ST6GALNAC5: variants seen among roughly 807,000 people sequenced by gnomAD.
The protein encoded by ST6GALNAC5 is ST6 N-acetylgalactosaminide alpha-2,6-sialyltransferase 5, also known as alpha-N-acetylgalactosaminide alpha-2,6-sialyltransferase 5.
ST6GALNAC5 carries 27 observed loss-of-function variants against 33.6 expected under a neutral mutation model. The ratio of observed to expected loss-of-function variants is 0.80; its 90% CI spans 0.59 to 1.11. The LOEUF is 1.11. Among genes scored for constraint, ST6GALNAC5 ranks in the 50% least tolerant of loss-of-function variants. The pLI is 0.00. For missense variants in ST6GALNAC5, 428 were observed against 454.0 expected (o/e 0.94, Z 0.52); for synonymous variants, 194 against 171.2 (o/e 1.13, Z -1.04).
chr1:77,058,207 G>A (rs549028289), intron 4 of ST6GALNAC5, among the ~76,000 whole-genome samples: 94 of 152,346 alleles, frequency 6.2e-4, no homozygotes, highest in South Asian at 2.1e-3. Flanking sequence ...CCTTGGCTGC[G>A]AAACTTCAGT....
intron 2 of ST6GALNAC5, among the ~76,000 whole-genome samples, chr1:76,966,598 T>G (rs976966399): frequency 6.6e-6 from 1 of 152,182 alleles, no homozygotes; most frequent in Non-Finnish European, 1.5e-5. Context: ...TTTCTTTCTC[T>G]TGCCTGATTG....
At chr1:77,059,106 G>A (rs1474998614) in intron 4 of ST6GALNAC5, among the ~76,000 whole-genome samples, 2 of 152,130 alleles carry the variant, frequency 1.3e-5, no homozygotes, top group Admixed American at 6.5e-5. Context: ...TTACAGAAAG[G>A]TTGCAAAAAT....
chr1:76,915,466 G>A (rs1172743463), intron 2 of ST6GALNAC5, among the ~76,000 whole-genome samples: 2 of 152,108 alleles, frequency 1.3e-5, no homozygotes, highest in African/African-American at 2.4e-5. Flanking sequence ...ATGATAGACT[G>A]GATTAAGAAA....
chr1:76,868,540 C>G lies in ST6GALNAC5; in HGVS notation c.59C>G (p.Thr20Ser). The change falls in exon 2 of 5, where the codon ACC (threonine) becomes AGC (serine). Residue 20 changes from threonine (T) to serine (S), a missense_variant. Thr to Ser is a moderately conservative substitution (Grantham distance 58). Transcript: ENST00000477717. The surrounding 1 kb of genome is among the most constrained non-coding windows in gnomAD (Gnocchi z 4.3). ...AVCLALTTMC[T>S]SLLLVYSSLG... is the part of the protein sequence containing the mutation. ...TGTTTAGCGCTCACCACCATGTGCA[C>G]CAGCTTGTTGCTAGTGTACAGCAGC... The G allele has an allele frequency of 1.9e-6, 3 of 1,613,228 alleles. No individual in the cohort carries two copies. In the South Asian group the frequency reaches 3.3e-5, roughly 18 times the overall value.
intron 2 of ST6GALNAC5, among the ~76,000 whole-genome samples, chr1:77,035,020 A>G (rs945965654): frequency 5.3e-5 from 8 of 152,162 alleles, no homozygotes; most frequent in African/African-American, 1.9e-4. Flanking sequence ...GGCCCAGCCC[A>G]GTGGTTCTTA....
At chr1:76,887,228 T>C (rs1653917377) in intron 2 of ST6GALNAC5, among the ~76,000 whole-genome samples, 1 of 152,190 alleles carries the variant, frequency 6.6e-6, no homozygotes, top group Non-Finnish European at 1.5e-5. Context: ...AAAAATTATA[T>C]ATGTTTTTGA....
chr1:76,923,877 T>C (rs1647059260), intron 2 of ST6GALNAC5, among the ~76,000 whole-genome samples: 1 of 152,126 alleles, frequency 6.6e-6, no homozygotes, highest in Non-Finnish European at 1.5e-5. Flanking sequence ...ACAGAAACTA[T>C]AAACTATCAG....
At chr1:77,016,435 A>G (rs1650856451) in intron 2 of ST6GALNAC5, among the ~76,000 whole-genome samples, 1 of 151,800 alleles carries the variant, frequency 6.6e-6, no homozygotes, top group African/African-American at 2.4e-5. Flanking sequence ...CTATTTTGAA[A>G]TTTTCCTTTC....
At chr1:77,045,615 T>C (rs992810050) in intron 3 of ST6GALNAC5, among the ~76,000 whole-genome samples, 8 of 152,278 alleles carry the variant, frequency 5.3e-5, no homozygotes, top group African/African-American at 1.9e-4. Context: ...CTCAAAAAGA[T>C]GTACATAAGC....
intron 2 of ST6GALNAC5, among the ~76,000 whole-genome samples, chr1:76,973,865 T>C (rs1461459305): frequency 1.3e-5 from 2 of 151,592 alleles, no homozygotes; most frequent in African/African-American, 4.9e-5. Context: ...TTCCTAAAGT[T>C]TCATGTGCAT....
chr1:77,022,491 G>A (rs1651091141), intron 2 of ST6GALNAC5, among the ~76,000 whole-genome samples: 1 of 152,186 alleles, frequency 6.6e-6, no homozygotes, highest in Non-Finnish European at 1.5e-5. Flanking sequence ...CCAGAAAATA[G>A]AGGGAATCAT....
At chr1:76,984,118 A>T (rs932395775) in intron 2 of ST6GALNAC5, among the ~76,000 whole-genome samples, 7 of 152,242 alleles carry the variant, frequency 4.6e-5, no homozygotes, top group African/African-American at 1.7e-4. Context: ...AAGCAAGAGC[A>T]AACAAATTAA....
rs771006463 is a variant in ST6GALNAC5, at chr1:77,044,483, G to A, written c.541G>A (p.Gly181Ser). The change falls in exon 3 of 5, where the codon GGC (glycine) becomes AGC (serine). Residue 181 changes from glycine (G) to serine (S), a missense_variant. By Grantham distance (56) the Gly-to-Ser change is moderately conservative (BLOSUM62 0). Coordinates refer to ENST00000477717, the MANE Select transcript of ST6GALNAC5 (RefSeq NM_030965.3). The stretch of plus-strand genomic sequence containing the variant: ...CCCCAGCAGCTACATGCGGCGGGAC[G>A]GCAAGGGCCAGGTCTACAACAACCT... ...WGPSSYMRRD[G>S]KGQVYNNLHL... 3.1e-5 allele frequency: 50 copies of A among 1,613,258 alleles called. No homozygotes were observed. The highest frequency in any genetic ancestry group is 3.9e-5 in the Non-Finnish European group (46 of 1,179,792).
chr1:77,059,636 A>G (rs920908968), intron 4 of ST6GALNAC5, among the ~76,000 whole-genome samples: 1 of 152,174 alleles, frequency 6.6e-6, no homozygotes, highest in Non-Finnish European at 1.5e-5. Flanking sequence ...TCCCTTTGTC[A>G]TTAATAAATA....
chr1:77,005,816 G>T (rs977644970), intron 2 of ST6GALNAC5, among the ~76,000 whole-genome samples: 4 of 152,056 alleles, frequency 2.6e-5, no homozygotes, highest in African/African-American at 7.2e-5. Flanking sequence ...TGTCCTTTTC[G>T]ATCTGGATTG....
At chr1:76,969,309 A>G (rs1384714792) in intron 2 of ST6GALNAC5, among the ~76,000 whole-genome samples, 1 of 152,220 alleles carries the variant, frequency 6.6e-6, no homozygotes, top group Non-Finnish European at 1.5e-5. Flanking sequence ...CTGGAAAAAC[A>G]GGACACTCCT....
chr1:77,052,010 G>T (rs1652236568), intron 4 of ST6GALNAC5, among the ~76,000 whole-genome samples: 1 of 152,188 alleles, frequency 6.6e-6, no homozygotes, highest in Non-Finnish European at 1.5e-5. Flanking sequence ...AGTTCATCAT[G>T]ACTTCATGTA....
At chr1:76,981,608 C>G (rs1006894352) in intron 2 of ST6GALNAC5, among the ~76,000 whole-genome samples, 1 of 152,198 alleles carries the variant, frequency 6.6e-6, no homozygotes, top group African/African-American at 2.4e-5. Flanking sequence ...TTAAATGTCC[C>G]TGTCTGACAG....
intron 2 of ST6GALNAC5, among the ~76,000 whole-genome samples, chr1:77,014,752 G>A (rs369917432): frequency 1.2e-4 from 19 of 152,252 alleles, no homozygotes; most frequent in African/African-American, 4.6e-4. Context: ...CCTGATAAAA[G>A]CCTCTGGTAC....
Sources: allele counts gnomAD v4.1 joint callset (sites outside exome capture counted in the v4.1 genomes callset), GRCh38; gene constraint gnomAD v4.1.1; non-coding constraint Gnocchi (gnomAD v3.1); transcripts MANE v1.5; gene names NCBI Gene and HGNC (gene_info 2026-07-23, HGNC 2026-07-21).